MYRIP: variants seen among roughly 807,000 people sequenced by gnomAD.
MYRIP encodes rab effector MyRIP.
A neutral mutation model predicts 98.0 loss-of-function variants in MYRIP; 49 were observed. That is an observed-to-expected ratio of 0.50 (90% CI 0.40 to 0.63). The LOEUF is 0.63. Among genes scored for constraint, MYRIP ranks in the 30% least tolerant of loss-of-function variants. MYRIP has a pLI of 0.00. For missense variants in MYRIP, 1,004 were observed against 1,058.2 expected, an observed-to-expected ratio of 0.95 and a Z score of 0.71; for synonymous variants, 404 against 409.5, an observed-to-expected ratio of 0.99 and a Z score of 0.16.
intron 1 of MYRIP, among the ~76,000 whole-genome samples, chr3:39,868,876 C>T (rs1942701496): frequency 1.3e-5 from 2 of 152,184 alleles, no homozygotes; most frequent in African/African-American, 2.4e-5. Context: ...CAACTCACTA[C>T]CTTCTGTCCT....
At chr3:40,121,433 T>C (rs1949402009) in intron 3 of MYRIP, among the ~76,000 whole-genome samples, 1 of 152,102 alleles carries the variant, frequency 6.6e-6, no homozygotes, top group African/African-American at 2.4e-5. Context: ...TTGACAACTA[T>C]CTGTGGCATC....
At chr3:40,125,309 A>C (rs553672817) in intron 3 of MYRIP, among the ~76,000 whole-genome samples, 88 of 152,320 alleles carry the variant, frequency 5.8e-4, no homozygotes, top group Non-Finnish European at 1.2e-3. Flanking sequence ...TTGAGGAGCA[A>C]GAAGAGCCAG....
intron 1 of MYRIP, among the ~76,000 whole-genome samples, chr3:39,869,027 G>T (rs535672057): frequency 1.3e-5 from 2 of 152,236 alleles, no homozygotes; most frequent in Non-Finnish European, 1.5e-5. Context: ...ACTGTGATGT[G>T]CCTAGGCATG....
intron 1 of MYRIP, among the ~76,000 whole-genome samples, chr3:39,844,833 T>C (rs1941911132): frequency 6.6e-6 from 1 of 152,228 alleles, no homozygotes; most frequent in Non-Finnish European, 1.5e-5. Context: ...CTATTTATTA[T>C]AGACACTTTA....
At chr3:40,054,495 TA>T (rs1232516333) in intron 3 of MYRIP, among the ~76,000 whole-genome samples, 3 of 152,170 alleles carry the variant, frequency 2.0e-5, no homozygotes, top group Non-Finnish European at 4.4e-5. Flanking sequence ...GCAGTGAAAA[TA>T]TTTTTTAGAT....
chr3:40,195,451 C>A (rs76549714), intron 10 of MYRIP, among the ~76,000 whole-genome samples: 4,614 of 152,162 alleles, frequency 0.03, 91 homozygotes, highest in African/African-American at 0.056. Context: ...CATCACCATG[C>A]CCAGCTAATT....
chr3:39,836,099 T>G (rs4613399), intron 1 of MYRIP, among the ~76,000 whole-genome samples: 7,766 of 152,210 alleles, frequency 0.051, 408 homozygotes, highest in African/African-American at 0.13. Flanking sequence ...AATCCTTTGG[T>G]TATATACCCA....
intron 1 of MYRIP, among the ~76,000 whole-genome samples, chr3:39,881,235 T>C (rs866851291): frequency 5.7e-5 from 4 of 70,628 alleles, no homozygotes; most frequent in African/African-American, 1.4e-4. Flanking sequence ...TTATCCTGTT[T>C]GTTAGTTTTG....
At chr3:40,171,825 T>C (rs1386881296) in intron 8 of MYRIP, among the ~76,000 whole-genome samples, 1 of 152,248 alleles carries the variant, frequency 6.6e-6, no homozygotes, top group East Asian at 1.9e-4. Flanking sequence ...GTTCTCATGC[T>C]GCTAATAAAG....
chr3:40,169,171 A>G (rs933441598), intron 7 of MYRIP, among the ~76,000 whole-genome samples: 7 of 152,194 alleles, frequency 4.6e-5, no homozygotes, highest in African/African-American at 1.7e-4. Context: ...AGGCACCGGC[A>G]GTCACTGGTC....
rs11405270 is a variant in MYRIP at position 39,891,907 on chromosome 3, GTT to G, written c.-30-8873_-30-8872del. 2.4e-4 allele frequency among the ~76,000 whole-genome samples: 36 copies of G among 150,654 alleles called. No individual in the cohort carries two copies. The East Asian group carries it at 6.8e-3, about 29-fold the overall frequency. ...TTCTTATGTTACACATACCTTTTCT[GTT>G]TTTTTTCTTTTGACTTTATTTATAA... On this transcript the variant is annotated intron_variant, in intron 1 of 16. Transcript: ENST00000302541.
chr3:39,926,619 A>G (rs1256990864), intron 2 of MYRIP, among the ~76,000 whole-genome samples: 2 of 151,774 alleles, frequency 1.3e-5, no homozygotes, highest in African/African-American at 2.4e-5. Flanking sequence ...CTTTTTGTCA[A>G]CTTTATCAGA....
intron 3 of MYRIP, among the ~76,000 whole-genome samples, chr3:40,098,215 C>T (rs1316655894): frequency 6.6e-6 from 1 of 152,152 alleles, no homozygotes; most frequent in Admixed American, 6.5e-5. Flanking sequence ...ATTTTATTTG[C>T]TAAATATACA....
intron 2 of MYRIP, among the ~76,000 whole-genome samples, chr3:39,958,049 A>C (rs183796620): frequency 1.7e-3 from 262 of 152,334 alleles, no homozygotes; most frequent in Admixed American, 4.4e-3. Context: ...CAAATGGAAG[A>C]ACATTCCATG....
intron 2 of MYRIP, among the ~76,000 whole-genome samples, chr3:39,976,647 A>G (rs992274913): frequency 1.3e-5 from 2 of 152,226 alleles, no homozygotes; most frequent in Non-Finnish European, 2.9e-5. Context: ...AACCAACCCA[A>G]ATGTCCAACA....
intron 2 of MYRIP, among the ~76,000 whole-genome samples, chr3:39,960,095 G>A (rs1397217361): frequency 6.6e-6 from 1 of 152,092 alleles, no homozygotes; most frequent in Non-Finnish European, 1.5e-5. Context: ...CCCTGGGAAT[G>A]AGTGGGATCA....
At chr3:40,150,512 A>G (rs1021792273) in intron 3 of MYRIP, among the ~76,000 whole-genome samples, 2 of 152,140 alleles carry the variant, frequency 1.3e-5, no homozygotes, top group Non-Finnish European at 2.9e-5. Flanking sequence ...TGTGCTTTTT[A>G]TTTTTCCAAG....
intron 10 of MYRIP, among the ~76,000 whole-genome samples, chr3:40,205,207 T>C (rs1575631004): frequency 6.6e-6 from 1 of 152,120 alleles, no homozygotes; most frequent in African/African-American, 2.4e-5. Flanking sequence ...TGCTTCTCTC[T>C]GGATTTCAAT....
intron 8 of MYRIP, chr3:40,173,029 T>C (rs904233268): frequency 6.6e-6 from 1 of 152,184 alleles, no homozygotes. Flanking sequence ...AAAATTCTCA[T>C]GTAAATCCCG....
Sources: gnomAD v4.1 joint callset for allele counts (sites outside exome capture counted in the v4.1 genomes callset) on GRCh38, gnomAD v4.1.1 for gene constraint, MANE v1.5 for transcripts, NCBI Gene and HGNC (gene_info 2026-07-23, HGNC 2026-07-21) for gene names.